Variants in FBXO42 observed in about 807,000 individuals in gnomAD.
FBXO42 encodes F-box only protein 42.
A neutral mutation model predicts 71.7 loss-of-function variants in FBXO42; 12 were observed. The ratio of observed to expected loss-of-function variants is 0.17; its 90% CI spans 0.11 to 0.27. FBXO42 has a LOEUF of 0.27. Among genes scored for constraint, FBXO42 ranks in the 10% least tolerant of loss-of-function variants. The pLI is 1.00. For synonymous variants in FBXO42, 325 were observed against 327.5 expected, an observed-to-expected ratio of 0.99 and a Z score of 0.08; for missense variants, 707 against 911.9, an observed-to-expected ratio of 0.78 and a Z score of 2.89.
chr1:16,273,039 T>C (rs1299934799), intron 4 of FBXO42, among the ~76,000 whole-genome samples: 2 of 152,270 alleles, frequency 1.3e-5, no homozygotes, highest in Non-Finnish European at 2.9e-5. Flanking sequence ...TATCTCCGTA[T>C]ATATAAAGAT....
intron 4 of FBXO42, 100 bp downstream of exon 4, chr1:16,294,683 T>A: frequency 2.4e-6 from 3 of 1,272,172 alleles, no homozygotes; most frequent in Non-Finnish European, 3.3e-6. Flanking sequence ...TGAGTCCCAG[T>A]AACCCATCCT....
chr1:16,341,244 A>G (rs2082602207), intron 1 of FBXO42, among the ~76,000 whole-genome samples: 1 of 152,238 alleles, frequency 6.6e-6, no homozygotes, highest in South Asian at 2.1e-4. Flanking sequence ...AATAAATATT[A>G]GAATGGTTCA....
In FBXO42 at chr1:16,251,895, C is replaced by A; in HGVS notation, c.1039-110G>T. Reference sequence around the variant, plus strand: ...TCATGTGCCAGACATTTTGTAGGTACCTGAGATATGAAGATGAAAATGATG... The same window carrying A: ...TCATGTGCCAGACATTTTGTAGGTAACTGAGATATGAAGATGAAAATGATG... On this transcript the variant is annotated intron_variant, in intron 9 of 9. Coordinates refer to ENST00000375592, the MANE Select transcript of FBXO42 (RefSeq NM_018994.3). The surrounding 1 kb of genome is among the most constrained non-coding windows in gnomAD (Gnocchi z 4.5). 1.5e-6 allele frequency: 2 copies of A among 1,359,518 alleles called. No homozygotes were observed. The highest frequency in any genetic ancestry group is 1.4e-5 in the South Asian group (1 of 69,964). The allele number at this position is 1,359,518 out of a possible 1,614,324, so 84.2% of individuals were successfully genotyped here.
chr1:16,341,997 C>T (rs1426754568), intron 1 of FBXO42, among the ~76,000 whole-genome samples: 1 of 150,714 alleles, frequency 6.6e-6, no homozygotes, highest in Non-Finnish European at 1.5e-5. Flanking sequence ...AAGTTCTGGG[C>T]CAGGCGCAGT....
intron 1 of FBXO42, among the ~76,000 whole-genome samples, chr1:16,337,100 A>G (rs2082559109): frequency 6.6e-6 from 1 of 152,228 alleles, no homozygotes; most frequent in Admixed American, 6.6e-5. Flanking sequence ...CTGTCCAAAG[A>G]TAAAAGAACA....
intron 4 of FBXO42, among the ~76,000 whole-genome samples, chr1:16,270,694 AAAG>A (rs1289602099): frequency 4.7e-4 from 3 of 6,332 alleles, no homozygotes; most frequent in African/African-American, 8.1e-4. Flanking sequence ...AAAAAAAAAA[AAAG>A]AAAAGAAAAG....
chr1:16,297,583 C>T (rs4291495), intron 3 of FBXO42, among the ~76,000 whole-genome samples: 50,532 of 151,976 alleles, frequency 0.33, 9,918 homozygotes, highest in East Asian at 0.68. Context: ...AAGTCCAGGC[C>T]GGGCGTGGTG....
chr1:16,336,389 A>G (rs1045196729), intron 1 of FBXO42, among the ~76,000 whole-genome samples: 1 of 149,396 alleles, frequency 6.7e-6, no homozygotes, highest in Non-Finnish European at 1.5e-5. Flanking sequence ...GATGTAGTCT[A>G]GCTCTGTCAC....
At chr1:16,313,600 A>G (rs890264188) in intron 2 of FBXO42, among the ~76,000 whole-genome samples, 1 of 152,232 alleles carries the variant, frequency 6.6e-6, no homozygotes, top group Admixed American at 6.5e-5. Context: ...AAATGAGCAC[A>G]GGGCCAACAG....
rs369965037 is a variant in FBXO42, at chr1:16,294,859, G to A, written c.426C>T (p.Ser142=). ...GGTCATTGAAAGCAGCATTGCAGCT[G>A]CTCTGGGTACAGCCTCCAAACACAT... ...SMYVFGGCTQ[S]SCNAAFNDLW... Residue 142 remains serine (S), a synonymous_variant, in exon 4 of 10, where the codon AGC becomes AGT. Coordinates refer to ENST00000375592, the MANE Select transcript of FBXO42 (RefSeq NM_018994.3). The A allele has an allele frequency of 5.6e-4, 909 of 1,613,978 alleles. No homozygotes were observed. The highest frequency in any genetic ancestry group is 7.4e-4 in the Non-Finnish European group (868 of 1,179,990).
chr1:16,253,321 A>C (rs1324549848), intron 7 of FBXO42, 169 bp from the exon 8 acceptor site: 15 of 614,990 alleles, frequency 2.4e-5, no homozygotes, highest in East Asian at 5.7e-5. Context: ...CCTGTGAATA[A>C]ATTACTGATA....
chr1:16,288,835 G>A (rs1260332525), intron 4 of FBXO42, among the ~76,000 whole-genome samples: 3 of 151,854 alleles, frequency 2.0e-5, no homozygotes, highest in East Asian at 1.9e-4. Flanking sequence ...GCACACTGCT[G>A]TAATCCCAGC....
intron 1 of FBXO42, among the ~76,000 whole-genome samples, chr1:16,328,192 TACTC>T (rs1173083017): frequency 2.6e-5 from 4 of 152,118 alleles, no homozygotes; most frequent in African/African-American, 4.8e-5. Flanking sequence ...AAAAACCACT[TACTC>T]AGGAGGCTGG....
At chr1:16,316,186 A>C (rs1223252552) in intron 1 of FBXO42, among the ~76,000 whole-genome samples, 3 of 149,720 alleles carry the variant, frequency 2.0e-5, no homozygotes, top group Non-Finnish European at 4.5e-5. Context: ...AAAAAAAAAA[A>C]AGAAAGAAAG....
intron 1 of FBXO42, among the ~76,000 whole-genome samples, chr1:16,341,826 C>G (rs1426569798): frequency 6.7e-6 from 1 of 148,478 alleles, no homozygotes; most frequent in Admixed American, 6.8e-5. Context: ...ACAAAATTAG[C>G]CAGGCATAGT....
At chr1:16,329,846 G>A (rs1013356207) in intron 1 of FBXO42, among the ~76,000 whole-genome samples, 1 of 151,884 alleles carries the variant, frequency 6.6e-6, no homozygotes, top group Non-Finnish European at 1.5e-5. Context: ...CTACTCGGGA[G>A]GCTGAGGCAG....
intron 1 of FBXO42, among the ~76,000 whole-genome samples, chr1:16,345,936 T>C (rs900445133): frequency 6.0e-5 from 9 of 151,068 alleles, no homozygotes; most frequent in African/African-American, 2.2e-4. Flanking sequence ...GAATCCGGGA[T>C]AGCTTGTTGT....
chr1:16,279,172 A>G (rs1414322619), intron 4 of FBXO42, among the ~76,000 whole-genome samples: 1 of 152,220 alleles, frequency 6.6e-6, no homozygotes, highest in Non-Finnish European at 1.5e-5. Context: ...TGATATGACC[A>G]ATACTTTTTC....
chr1:16,272,322 C>T (rs2081855921), intron 4 of FBXO42, among the ~76,000 whole-genome samples: 1 of 151,462 alleles, frequency 6.6e-6, no homozygotes, highest in Non-Finnish European at 1.5e-5. Flanking sequence ...TGCAATGGCA[C>T]GATCTTGGCT....
Sources: gnomAD v4.1 joint callset for allele counts (sites outside exome capture counted in the v4.1 genomes callset) on GRCh38, gnomAD v4.1.1 for gene constraint, Gnocchi (gnomAD v3.1) non-coding constraint, MANE v1.5 for transcripts, NCBI Gene and HGNC (gene_info 2026-07-23, HGNC 2026-07-21) for gene names.